The following LRP8 variants were observed in gnomAD, a reference collection of about 807,000 sequenced individuals.
LRP8 encodes the protein LDL receptor related protein 8, also known as low-density lipoprotein receptor-related protein 8.
Under a neutral mutation model 111.6 loss-of-function variants are expected in LRP8, and 46 were observed. The observed-to-expected ratio is 0.41, with a 90% CI of 0.33 to 0.53. LRP8 has a LOEUF of 0.53. Among genes scored for constraint, LRP8 ranks in the 20% least tolerant of loss-of-function variants. The probability of loss-of-function intolerance (pLI) is 0.20; values close to 1 mark genes in which losing one functional copy is unlikely to be tolerated. For synonymous variants in LRP8, 464 were observed against 511.2 expected, an observed-to-expected ratio of 0.91 and a Z score of 1.24; for missense variants, 959 against 1,297.4, an observed-to-expected ratio of 0.74 and a Z score of 4.01.
chr1:53,291,895 A>C (rs968108498), intron 2 of LRP8: 1 of 152,190 alleles, frequency 6.6e-6, no homozygotes, highest in Non-Finnish European at 1.5e-5. Context: ...CGAGTCCAAC[A>C]TGGTTTGCTT....
chr1:53,261,224 A>G (rs1646326542), intron 12 of LRP8, among the ~76,000 whole-genome samples: 1 of 152,232 alleles, frequency 6.6e-6, no homozygotes, highest in East Asian at 1.9e-4. Context: ...AGGAATGCAC[A>G]CTTTTATTCT....
intron 13 of LRP8, among the ~76,000 whole-genome samples, chr1:53,259,597 A>T (rs780275227): frequency 6.7e-6 from 1 of 149,848 alleles, no homozygotes; most frequent in East Asian, 2.0e-4. Flanking sequence ...TTTTTTTTTT[A>T]AGAGGTAGGG....
At chr1:53,257,529 G>GAAT (rs1557754926) in intron 14 of LRP8, 65 bp from the exon 15 acceptor site, 3 of 1,240,880 alleles carry the variant, frequency 2.4e-6, no homozygotes, top group Middle Eastern at 1.9e-4. Context: ...TATTGCCTCT[G>GAAT]AGATATACTT....
At position 53,262,603 on chromosome 1, in the gene LRP8, G is replaced by T. The variant is rs770030360; in HGVS notation, c.1656-39C>A. 1.3e-6 allele frequency: 2 copies of T among 1,534,834 alleles called. No individual in the cohort carries two copies. On this transcript the variant is annotated intron_variant, in intron 10 of 18. Coordinates refer to ENST00000306052, the MANE Select transcript of LRP8 (RefSeq NM_004631.5). This position sits in a 1 kb window ranked among gnomAD's most constrained non-coding sequence, Gnocchi z 4.8. ...TAACCCAATTTGCCTTCTTGCTGGGGACATGACCGGGGTGGTCTGAGTCAC... is the reference window on the plus strand; with the variant it reads ...TAACCCAATTTGCCTTCTTGCTGGGTACATGACCGGGGTGGTCTGAGTCAC...
At chr1:53,282,029 C>T (rs528412516) in intron 3 of LRP8, among the ~76,000 whole-genome samples, 8 of 152,214 alleles carry the variant, frequency 5.3e-5, no homozygotes, top group Admixed American at 4.6e-4. Context: ...CATTTCTCCC[C>T]GGAGGCAGTG....
intron 2 of LRP8, chr1:53,292,135 C>G (rs575042584): frequency 6.6e-6 from 1 of 152,346 alleles, no homozygotes; most frequent in African/African-American, 2.4e-5. Flanking sequence ...GCCTGCTCCC[C>G]CTCCTCTGGG....
chr1:53,325,430 A>C (rs1259960182), intron 2 of LRP8, among the ~76,000 whole-genome samples: 9 of 152,244 alleles, frequency 5.9e-5, no homozygotes, highest in Admixed American at 5.9e-4. Flanking sequence ...TGGTCAGCAC[A>C]CATTAGTCTC....
chr1:53,264,069 G>A, intron 10 of LRP8, 100 bp downstream of exon 10: 1 of 1,162,996 alleles, frequency 8.6e-7, no homozygotes, highest in Non-Finnish European at 1.2e-6. Flanking sequence ...TGTCTGAGTG[G>A]CCCAGAGCTT....
chr1:53,272,939 T>C (rs1646805440), intron 6 of LRP8, among the ~76,000 whole-genome samples: 1 of 152,174 alleles, frequency 6.6e-6, no homozygotes, highest in Non-Finnish European at 1.5e-5. Context: ...TACTGAGCAC[T>C]TGATGAAGTG....
intron 2 of LRP8, among the ~76,000 whole-genome samples, chr1:53,304,279 T>C (rs1273240327): frequency 6.6e-6 from 1 of 152,078 alleles, no homozygotes; most frequent in Non-Finnish European, 1.5e-5. Flanking sequence ...ACCCTAATGA[T>C]GGGAATGAGG....
chr1:53,327,658 G>T, intron 1 of LRP8, 131 bp downstream of exon 1: 1 of 1,270,384 alleles, frequency 7.9e-7, no homozygotes. Flanking sequence ...TAGCCGCTTC[G>T]CGTGGAGCCT....
At chr1:53,292,231 C>T (rs1648917314) in intron 2 of LRP8, 1 of 152,238 alleles carries the variant, frequency 6.6e-6, no homozygotes, top group Admixed American at 6.5e-5. Flanking sequence ...TGCAGTACAT[C>T]TGCATTCTAA....
chr1:53,310,845 G>A (rs1652856655), intron 2 of LRP8, among the ~76,000 whole-genome samples: 1 of 152,214 alleles, frequency 6.6e-6, no homozygotes, highest in African/African-American at 2.4e-5. Flanking sequence ...GCTGGGCCCT[G>A]TGATGGGCAC....
chr1:53,326,014 GTCGCGCACGC>G (rs1462534167), intron 2 of LRP8, among the ~76,000 whole-genome samples: 10 of 151,766 alleles, frequency 6.6e-5, no homozygotes, highest in Admixed American at 5.2e-4. Flanking sequence ...TTCTAAATCA[GTCGCGCACGC>G]CCAGCAAAGG....
chr1:53,322,329 C>T (rs1235771972), intron 2 of LRP8, among the ~76,000 whole-genome samples: 1 of 152,174 alleles, frequency 6.6e-6, no homozygotes, highest in Admixed American at 6.5e-5. Flanking sequence ...TGTATCTCAG[C>T]CTGGAGGCAA....
chr1:53,298,122 C>T (rs1056436930), intron 2 of LRP8, among the ~76,000 whole-genome samples: 1 of 152,182 alleles, frequency 6.6e-6, no homozygotes, highest in Non-Finnish European at 1.5e-5. Flanking sequence ...TGGGGCTTCC[C>T]ACAACCAAGC....
chr1:53,286,556 T>A (rs1205723172), intron 3 of LRP8, among the ~76,000 whole-genome samples: 1 of 151,624 alleles, frequency 6.6e-6, no homozygotes, highest in East Asian at 1.9e-4. Flanking sequence ...TCAAGTGAGC[T>A]ATAATTAGAG....
At chr1:53,285,436 T>TAG (rs1474549504) in intron 3 of LRP8, among the ~76,000 whole-genome samples, 1 of 152,192 alleles carries the variant, frequency 6.6e-6, no homozygotes, top group East Asian at 1.9e-4. Context: ...GCCTGGGTTT[T>TAG]AGAGTCAGAC....
At chr1:53,254,237 T>G (rs1352595873) in intron 16 of LRP8, among the ~76,000 whole-genome samples, 2 of 151,996 alleles carry the variant, frequency 1.3e-5, no homozygotes, top group Non-Finnish European at 2.9e-5. Flanking sequence ...TCAGCCCCCA[T>G]GATTCTCTGT....
Sources: allele counts gnomAD v4.1 joint callset (sites outside exome capture counted in the v4.1 genomes callset), GRCh38; gene constraint gnomAD v4.1.1; non-coding constraint Gnocchi (gnomAD v3.1); transcripts MANE v1.5; gene names NCBI Gene and HGNC (gene_info 2026-07-23, HGNC 2026-07-21).